Variants in ACTN1 observed in about 807,000 individuals in gnomAD.
ACTN1 encodes alpha-actinin-1.
In ACTN1, 30 loss-of-function variants were observed where a neutral mutation model predicts 119.6. That is an observed-to-expected ratio of 0.25 (90% CI 0.19 to 0.34). The LOEUF is 0.34. Among genes scored for constraint, ACTN1 ranks in the 10% least tolerant of loss-of-function variants. The pLI, the probability that ACTN1 is intolerant of heterozygous loss-of-function variation, is 1.00. For missense variants in ACTN1, 764 were observed against 1,223.4 expected, an observed-to-expected ratio of 0.62 and a Z score of 5.60; for synonymous variants, 429 against 472.6, an observed-to-expected ratio of 0.91 and a Z score of 1.20.
At chr14:68,951,109 G>A (rs565897772) in intron 1 of ACTN1, among the ~76,000 whole-genome samples, 13 of 152,236 alleles carry the variant, frequency 8.5e-5, no homozygotes, top group South Asian at 6.2e-4. Flanking sequence ...CTGGCCCCCC[G>A]CCCTTTGAGA....
In ACTN1 at chr14:68,885,022, A is replaced by C. The variant is rs2031875263; in HGVS notation, c.1386-139T>G. On this transcript the variant is annotated intron_variant, in intron 12 of 21. Coordinates refer to ENST00000394419, the MANE Select transcript of ACTN1 (RefSeq NM_001130004.2). This position sits in a 1 kb window ranked among gnomAD's most constrained non-coding sequence, Gnocchi z 5.6. ...GCTCCCTTCAAGAGACCTTCCAGGCACTCCTTCCACCCCTCCCCTCTTTCA... is the reference window on the plus strand; with the variant it reads ...GCTCCCTTCAAGAGACCTTCCAGGCCCTCCTTCCACCCCTCCCCTCTTTCA... 1 of 670,258 alleles carries C rather than the reference A, an allele frequency of 1.5e-6. No homozygotes were observed. Among genetic ancestry groups the C allele is most frequent in the African/African-American group, 1.8e-5 (1 of 55,290 alleles). 41.5% of individuals were successfully genotyped at this position (670,258 alleles called of 1,614,324 possible).
chr14:68,890,058 A>G (rs2140144236), intron 11 of ACTN1, 81 bp downstream of exon 11: 2 of 1,546,118 alleles, frequency 1.3e-6, no homozygotes, highest in East Asian at 2.4e-5. Context: ...AAAAGCAAAG[A>G]ATAGCATAGT....
At chr14:68,876,988 G>C (rs2030971318) in intron 21 of ACTN1, 94 bp downstream of exon 21, 16 of 1,456,916 alleles carry the variant, frequency 1.1e-5, no homozygotes, top group Admixed American at 2.1e-5. Flanking sequence ...AGAAGGGGCG[G>C]TTGAGGAGTT....
rs939708123 is a variant in ACTN1, at chr14:68,882,324, A to G, written c.1953+134T>C. The G allele has an allele frequency of 8.8e-6, 11 of 1,248,710 alleles. No individual in the cohort carries two copies. Among genetic ancestry groups the G allele is most frequent in the Non-Finnish European group, 1.1e-5 (10 of 900,116 alleles). The allele number at this position is 1,248,710 out of a possible 1,614,324, so 77.4% of individuals were successfully genotyped here. ...AGGCCCCCATAGCCTTCTACAGAAC[A>G]GCAGACCCACGGTGGGCTCCGGGCC... On this transcript the variant is annotated intron_variant, in intron 16 of 21. Coordinates refer to ENST00000394419, the MANE Select transcript of ACTN1 (RefSeq NM_001130004.2). This position sits in a 1 kb window ranked among gnomAD's most constrained non-coding sequence, Gnocchi z 4.5.
At chr14:68,943,438 C>T (rs905034718) in intron 1 of ACTN1, among the ~76,000 whole-genome samples, 9 of 152,184 alleles carry the variant, frequency 5.9e-5, no homozygotes, top group Non-Finnish European at 1.0e-4. Flanking sequence ...GAGAGATCCA[C>T]GCCTGCTGTT....
At position 68,885,826 on chromosome 14, in the gene ACTN1, C is replaced by T. The variant is rs2140114589; in HGVS notation, c.1235-251G>A. ...AAAGTGTCTACGCAGGAAGGCTATG[C>T]AGGAGTCTGTGGGAATGCATAGGGC... On this transcript the variant is annotated intron_variant, in intron 11 of 21. Coordinates refer to ENST00000394419, the MANE Select transcript of ACTN1 (RefSeq NM_001130004.2). The surrounding 1 kb of genome is among the most constrained non-coding windows in gnomAD (Gnocchi z 5.6). 2.0e-6 allele frequency: 1 copy of T among 499,590 alleles called. No individual in the cohort carries two copies. The highest frequency in any genetic ancestry group is 3.6e-6 in the Non-Finnish European group (1 of 274,546). The allele number at this position is 499,590 out of a possible 1,614,324, so 30.9% of individuals were successfully genotyped here. A position where few individuals can be genotyped will look rare whatever the true frequency, so the allele number is the denominator to read the frequency against.
In ACTN1 at chr14:68,885,620, T is replaced by A. The variant is rs975722489; in HGVS notation, c.1235-45A>T. On this transcript the variant is annotated intron_variant, in intron 11 of 21. Transcript: ENST00000394419. The surrounding 1 kb of genome is among the most constrained non-coding windows in gnomAD (Gnocchi z 5.6). ...CATGGCTGAGCTGGAGTGAGAAGCA[T>A]CTCCTTGGTCCCAACCGCCCACCCC... 2 of 1,598,446 alleles carry A rather than the reference T, an allele frequency of 1.3e-6. No homozygotes were observed. The highest frequency in any genetic ancestry group is 1.7e-6 in the Non-Finnish European group (2 of 1,175,670).
chr14:68,876,426 T>C (rs2030900211), intron 21 of ACTN1, among the ~76,000 whole-genome samples: 1 of 151,880 alleles, frequency 6.6e-6, no homozygotes, highest in Non-Finnish European at 1.5e-5. Context: ...TTCTCTAATA[T>C]TCGAGGGATC....
Position 68,979,035 on chromosome 14 carries a change from G to C in ACTN1, c.22C>G (p.Gln8Glu). The C allele has an allele frequency of 6.2e-7, 1 of 1,603,242 alleles. No homozygotes were observed. The highest frequency in any genetic ancestry group is 1.1e-5 in the South Asian group (1 of 89,668). Residue 8 changes from glutamine to glutamate, a missense_variant, in exon 1 of 22, where the codon CAA becomes GAA. Physicochemically the swap from Gln to Glu is conservative, Grantham distance 29. Transcript: ENST00000394419. MDHYDSQQTNDYMQPEED... is the reference protein window; with the variant it reads MDHYDSQETNDYMQPEED... ...TCTGGCTGCATGTAATCGTTGGTTT[G>C]CTGAGAATCATAATGGTCCATGATG... is the stretch of plus-strand genomic sequence containing the variant.
At chr14:68,978,387 A>T (rs2037144589) in intron 1 of ACTN1, 1 of 376,548 alleles carries the variant, frequency 2.7e-6, no homozygotes, top group East Asian at 7.4e-5. Context: ...GCCGCACTCC[A>T]GCTGGTCCTT....
intron 3 of ACTN1, among the ~76,000 whole-genome samples, chr14:68,915,321 C>G (rs1026320769): frequency 1.4e-4 from 21 of 151,840 alleles, no homozygotes; most frequent in African/African-American, 4.8e-4. Flanking sequence ...CTGCAGCTCC[C>G]CTTCCCTAGA....
At chr14:68,958,931 G>C (rs376573601) in intron 1 of ACTN1, among the ~76,000 whole-genome samples, 15 of 152,352 alleles carry the variant, frequency 9.8e-5, no homozygotes, top group African/African-American at 3.6e-4. Flanking sequence ...TGGAAAGGGA[G>C]AGTGGGCCAG....
intron 1 of ACTN1, among the ~76,000 whole-genome samples, chr14:68,951,011 C>T (rs1344712631): frequency 6.6e-6 from 1 of 152,200 alleles, no homozygotes; most frequent in Non-Finnish European, 1.5e-5. Flanking sequence ...GCCACCAGCA[C>T]CAGCCTGCCT....
intron 14 of ACTN1, 57 bp from the exon 15 acceptor site, chr14:68,883,112 T>C: frequency 1.3e-6 from 2 of 1,565,830 alleles, no homozygotes; most frequent in Admixed American, 1.7e-5. Flanking sequence ...TAGAAGTGAG[T>C]GGAAGGGCCA....
Position 68,945,781 on chromosome 14 carries a change from C to A in ACTN1, c.106-20109G>T, listed in dbSNP as rs79823110. ...CCCATACTCCCTGCCTGCCCAGACA[C>A]CTGGGGCAGCTCGCTGTTCACAGCA... On this transcript the variant is annotated intron_variant, in intron 1 of 21. Transcript: ENST00000394419. Among the ~76,000 whole-genome samples, 1,458 of 152,298 alleles carry A rather than the reference C, an allele frequency of 9.6e-3. 22 individuals are homozygous for A. The highest frequency in any genetic ancestry group is 0.033 in the African/African-American group (1,380 of 41,550).
intron 1 of ACTN1, among the ~76,000 whole-genome samples, chr14:68,953,130 C>T (rs958367065): frequency 2.6e-4 from 40 of 152,152 alleles, no homozygotes; most frequent in African/African-American, 8.2e-4. Context: ...CTTCAGTTTC[C>T]AATCTCTAGA....
intron 16 of ACTN1, among the ~76,000 whole-genome samples, chr14:68,881,703 C>T (rs1177732121): frequency 6.6e-6 from 1 of 152,106 alleles, no homozygotes; most frequent in Admixed American, 6.5e-5. Flanking sequence ...GGCCTCTTTC[C>T]TGATCTGCTA....
chr14:68,927,187 C>G (rs1455368047), intron 1 of ACTN1, among the ~76,000 whole-genome samples: 1 of 152,154 alleles, frequency 6.6e-6, no homozygotes, highest in East Asian at 1.9e-4. Flanking sequence ...CCAATGTCCT[C>G]TCTATCTTGC....
intron 1 of ACTN1, among the ~76,000 whole-genome samples, chr14:68,964,215 G>C (rs1335183113): frequency 6.6e-6 from 1 of 152,136 alleles, no homozygotes; most frequent in Admixed American, 6.5e-5. Context: ...CCATGCACAG[G>C]GGCGTCATCA....
Sources: gnomAD v4.1 joint callset for allele counts (sites outside exome capture counted in the v4.1 genomes callset) on GRCh38, gnomAD v4.1.1 for gene constraint, Gnocchi (gnomAD v3.1) non-coding constraint, MANE v1.5 for transcripts, NCBI Gene and HGNC (gene_info 2026-07-23, HGNC 2026-07-21) for gene names.